Variants in DUOX2 observed in about 807,000 individuals in gnomAD.
DUOX2 encodes NADH/NADPH thyroid oxidase p138-tox.
Under a neutral mutation model 183.3 loss-of-function variants are expected in DUOX2, and 185 were observed. The ratio of observed to expected loss-of-function variants is 1.01; its 90% CI spans 0.90 to 1.14. The LOEUF (loss-of-function observed/expected upper bound fraction) is 1.14. Ranked by LOEUF, DUOX2 falls within the 50% of genes most tolerant of loss-of-function variation. The pLI is 0.00. For synonymous variants in DUOX2, 788 were observed against 812.4 expected, an observed-to-expected ratio of 0.97 and a Z score of 0.51; for missense variants, 1,999 against 2,022.9, an observed-to-expected ratio of 0.99 and a Z score of 0.23.
At position 45,108,864 on chromosome 15, in the gene DUOX2, A is replaced by G; in HGVS notation, c.1323T>C (p.Tyr441=). The G allele has an allele frequency of 1.2e-6, 2 of 1,614,216 alleles. No individual in the cohort carries two copies. The highest frequency in any genetic ancestry group is 1.7e-5 in the Admixed American group (1 of 60,026). Residue 441 remains tyrosine, a synonymous_variant, in exon 12 of 34, where the codon TAT becomes TAC. Transcript: ENST00000389039. ...QRGRDMGLPS[Y]SQALLAFGLD... ...GCCCAAAGGCCAGCAGGGCCTGGCT[A>G]TAGCTGGGCAGCCCCATATCTCGGC...
chr15:45,110,033 T>A, intron 9 of DUOX2, 53 bp from the exon 10 acceptor site: 1 of 1,536,704 alleles, frequency 6.5e-7, no homozygotes, highest in Non-Finnish European at 9.0e-7. Context: ...GAATCAAAGA[T>A]GGGGTTGAGT....
chr15:45,094,071 G>A lies in DUOX2; in HGVS notation c.*79C>T, dbSNP rs1054711259. 4 of 1,601,528 alleles carry A rather than the reference G, an allele frequency of 2.5e-6. No individual in the cohort carries two copies. The highest frequency in any genetic ancestry group is 1.1e-5 in the South Asian group (1 of 90,688). On this transcript the variant is annotated 3_prime_UTR_variant, in exon 34 of 34. Coordinates refer to ENST00000389039, the MANE Select transcript of DUOX2 (RefSeq NM_001363711.2). ...GGCCTAAGGTGGATTCTGATGGAGA[G>A]ATTGCCAGCAGGGCTGGGCAACTTA...
Position 45,105,789 on chromosome 15 carries a change from C to A in DUOX2, c.2188G>T (p.Val730Leu). The A allele has an allele frequency of 6.2e-7, 1 of 1,614,218 alleles. No homozygotes were observed. The highest frequency in any genetic ancestry group is 8.5e-7 in the Non-Finnish European group (1 of 1,180,040). The change falls in exon 18 of 34, where the codon GTG becomes TTG. Residue 730 changes from valine to leucine, a missense_variant. By Grantham distance (32) the Val-to-Leu change is conservative (BLOSUM62 1). This residue lies in a region of DUOX2 where 1,628 missense variants were observed against 1,608.6 expected (regional missense o/e 1.01). Transcript: ENST00000389039. ...FSSEEERGAF[V>L]QQLWDFCVRW... ...ACGCAGAAGTCCCATAGCTGCTGCACAAAGGCGCCCCGTTCCTCTTCAGAA... is the reference window on the plus strand; with the variant it reads ...ACGCAGAAGTCCCATAGCTGCTGCAAAAAGGCGCCCCGTTCCTCTTCAGAA...
At chr15:45,113,638 T>C (rs566138143) in intron 1 of DUOX2, among the ~76,000 whole-genome samples, 2 of 152,240 alleles carry the variant, frequency 1.3e-5, no homozygotes, top group African/African-American at 4.8e-5. Context: ...ATTGACACTG[T>C]TCCCCATCCG....
chr15:45,107,236 C>G, intron 14 of DUOX2, 109 bp downstream of exon 14: 1 of 1,445,976 alleles, frequency 6.9e-7, no homozygotes, highest in Non-Finnish European at 9.7e-7. Context: ...CCTAGCCCAA[C>G]ACAGAAGGTG....
intron 20 of DUOX2, among the ~76,000 whole-genome samples, chr15:45,103,209 G>C (rs1226821677): frequency 6.6e-6 from 1 of 152,236 alleles, no homozygotes; most frequent in East Asian, 1.9e-4. Context: ...GCAATGTTAA[G>C]GCTTAACAGG....
chr15:45,100,011 C>T, intron 24 of DUOX2, 39 bp downstream of exon 24: 6 of 1,613,948 alleles, frequency 3.7e-6, no homozygotes, highest in Non-Finnish European at 5.1e-6. Flanking sequence ...AGGGTCAGAG[C>T]CTGCTCCCTA....
rs2141160285 is a variant in DUOX2, at chr15:45,113,045, T to A, written c.102A>T (p.Glu34Asp). The change falls in exon 3 of 34, where the codon GAA becomes GAT. Residue 34 changes from glutamate to aspartate, a missense_variant. Transcript: ENST00000389039. Reference sequence around the variant, plus strand: ...TAAACCAGCCGTCATAGCGCTGCACTTCCCAGGGCAGTGAGAGTGCGTCCT... The same window carrying A: ...TAAACCAGCCGTCATAGCGCTGCACATCCCAGGGCAGTGAGAGTGCGTCCT... ...GSQDALSLPW[E>D]VQRYDGWFNN... The A allele has an allele frequency of 1.9e-6, 3 of 1,614,004 alleles. No homozygotes were observed. The highest frequency in any genetic ancestry group is 1.1e-5 in the South Asian group (1 of 91,080).
In DUOX2 at chr15:45,093,855, G is replaced by C; in HGVS notation, c.*295C>G. On this transcript the variant is annotated 3_prime_UTR_variant, in exon 34 of 34. Transcript: ENST00000389039. ...GTCTTTATCTTCTTTGGGAGATCCT[G>C]ACTGGTTGCGCACTTGCTAAGGGCA... 2.4e-6 allele frequency: 1 copy of C among 414,086 alleles called. No homozygotes were observed. Among genetic ancestry groups the C allele is most frequent in the Non-Finnish European group, 4.5e-6 (1 of 220,552 alleles). 25.7% of individuals were successfully genotyped at this position (414,086 alleles called of 1,614,324 possible). A position where few individuals can be genotyped will look rare whatever the true frequency, so the allele number is the denominator to read the frequency against.
chr15:45,110,592 C>A (rs1184441428), intron 8 of DUOX2, 58 bp downstream of exon 8: 5 of 1,613,720 alleles, frequency 3.1e-6, no homozygotes, highest in Non-Finnish European at 4.2e-6. Flanking sequence ...ATCACAGGCA[C>A]CTGTCTCCTT....
At position 45,094,634 on chromosome 15, in the gene DUOX2, G is replaced by C. The variant is rs368004695; in HGVS notation, c.4453C>G (p.Arg1485Gly). 19 of 1,614,060 alleles carry C rather than the reference G, an allele frequency of 1.2e-5. No individual in the cohort carries two copies. Among genetic ancestry groups the C allele is most frequent in the Non-Finnish European group, 1.5e-5 (18 of 1,179,996 alleles). The stretch of plus-strand genomic sequence containing the variant: ...GGACGGCCAAAGTGGGTGATGGAGC[G>C]CAGGCCCGTGAACAGACTCCGGTTC... Reference protein sequence around the residue: ...VLNRSLFTGLRSITHFGRPPF... With the variant: ...VLNRSLFTGLGSITHFGRPPF... Residue 1485 changes from arginine (R) to glycine (G), a missense_variant, in exon 33 of 34, where the codon CGC becomes GGC. Coordinates refer to ENST00000389039, the MANE Select transcript of DUOX2 (RefSeq NM_001363711.2).
chr15:45,106,257 C>A lies in DUOX2; in HGVS notation c.2016G>T (p.Leu672=). ...CAGTGAGATGCCTGTTCAGGACCTG[C>A]AGACACCTGTCTGACAGCAGCTGGA... ...IIIQLLSDRC[L]QVLNRHLTVL... Residue 672 remains leucine, a synonymous_variant, in exon 17 of 34, where the codon CTG becomes CTT. Transcript: ENST00000389039. 1 of 1,614,120 alleles carries A rather than the reference C, an allele frequency of 6.2e-7. No individual in the cohort carries two copies. Among genetic ancestry groups the A allele is most frequent in the East Asian group, 2.2e-5 (1 of 44,874 alleles).
chr15:45,112,895 G>T lies in DUOX2; in HGVS notation c.160+92C>A, dbSNP rs1035215508. The T allele has an allele frequency of 4.5e-6, 7 of 1,549,976 alleles. No homozygotes were observed. In the African/African-American group the frequency reaches 8.2e-5, roughly 18 times the overall value. On this transcript the variant is annotated intron_variant, in intron 3 of 33. Coordinates refer to ENST00000389039, the MANE Select transcript of DUOX2 (RefSeq NM_001363711.2). ...TGTGTAGGCAGCGGAGCTGCTGGGC[G>T]CGTGTTCCCCGCAGATTCCCCGCTC... is the stretch of plus-strand genomic sequence containing the variant.
intron 5 of DUOX2, 84 bp downstream of exon 5, chr15:45,111,684 C>T (rs1218286856): frequency 2.8e-6 from 4 of 1,446,904 alleles, no homozygotes; most frequent in Non-Finnish European, 3.6e-6. Flanking sequence ...GTGGGCGCCT[C>T]TCCCCTCCAG....
chr15:45,113,190 A>G, intron 2 of DUOX2, 114 bp from the exon 3 acceptor site: 1 of 1,446,476 alleles, frequency 6.9e-7, no homozygotes, highest in Non-Finnish European at 9.5e-7. Flanking sequence ...ACCGGACCCA[A>G]GTGTCGGGCC....
chr15:45,095,602 A>T lies in DUOX2; in HGVS notation c.4081-7T>A, dbSNP rs754235417. On this transcript the variant is annotated splice_region_variant and splice_polypyrimidine_tract_variant and intron_variant, in intron 30 of 33. Transcript: ENST00000389039. ...ACGGTCCATCAAGGTACAGCTGCCA[A>T]GAGAGGGGGGAGATGAAATGAGCCT... is the stretch of plus-strand genomic sequence containing the variant. The T allele has an allele frequency of 6.2e-7, 1 of 1,614,220 alleles. No homozygotes were observed. The highest frequency in any genetic ancestry group is 1.7e-5 in the Admixed American group (1 of 60,028).
chr15:45,111,462 G>C lies in DUOX2; in HGVS notation c.637C>G (p.Arg213Gly), dbSNP rs889965016. 2.6e-6 allele frequency: 4 copies of C among 1,549,586 alleles called. No homozygotes were observed. The highest frequency in any genetic ancestry group is 2.4e-5 in the East Asian group (1 of 41,780). ...LASGPDPAFP[R>G]DSQNPLLMWA... ...ATGAGCAGGGGGTTCTGCGAGTCTC[G>C]GGGGAAAGCGGGGTCGGGCCCCGAC... The change falls in exon 6 of 34, where the codon CGA (arginine) becomes GGA (glycine). Residue 213 changes from arginine to glycine, a missense_variant. Physicochemically the swap from Arg to Gly is moderately radical, Grantham distance 125 (BLOSUM62 -2). This residue lies in a region of DUOX2 where 356 missense variants were observed against 356.4 expected (regional missense o/e 1.00). Coordinates refer to ENST00000389039, the MANE Select transcript of DUOX2 (RefSeq NM_001363711.2).
At chr15:45,094,803 G>A in intron 32 of DUOX2, 112 bp from the exon 33 acceptor site, 1 of 1,595,828 alleles carries the variant, frequency 6.3e-7, no homozygotes. Flanking sequence ...GCTGGAGGCT[G>A]AGGATCAGGC....
At chr15:45,101,179 C>G (rs369899254) in intron 22 of DUOX2, 26 bp downstream of exon 22, 11 of 1,610,306 alleles carry the variant, frequency 6.8e-6, no homozygotes, top group Middle Eastern at 3.3e-4. Flanking sequence ...GCCAGGCCAA[C>G]CTGCCAGAGC....
Sources: gnomAD v4.1 joint callset for allele counts (sites outside exome capture counted in the v4.1 genomes callset) on GRCh38, gnomAD v4.1.1 for gene constraint, gnomAD v4.1.1 regional missense constraint, MANE v1.5 for transcripts, NCBI Gene and HGNC (gene_info 2026-07-23, HGNC 2026-07-21) for gene names.